The following ACTR3 variants were observed in gnomAD, a reference collection of about 807,000 sequenced individuals.
ACTR3 encodes actin related protein 3.
In ACTR3, 12 loss-of-function variants were observed where a neutral mutation model predicts 56.8. The ratio of observed to expected loss-of-function variants is 0.21; its 90% confidence interval spans 0.14 to 0.34. ACTR3 has a LOEUF of 0.34. Among genes scored for constraint, ACTR3 ranks in the 10% least tolerant of loss-of-function variants. ACTR3 has a pLI of 1.00. For missense variants in ACTR3, 282 were observed against 512.5 expected (o/e 0.55, Z 4.34); for synonymous variants, 162 against 167.4 (o/e 0.97, Z 0.25).
rs572600321 is a variant in ACTR3 at position 113,931,223 on chromosome 2, C to G, written c.337-78C>G. The G allele has an allele frequency of 1.9e-4, 149 of 789,226 alleles. No individual in the cohort carries two copies. The African/African-American group carries it at 2.4e-3, about 13-fold the overall frequency. The allele number at this position is 789,226 out of a possible 1,614,324, so 48.9% of individuals were successfully genotyped here. ...TAAATAAAATGTTTGAAATAAATTA[C>G]TTCTCATTTAAAAATTGTCAAGAAA... is the stretch of plus-strand genomic sequence containing the variant. On this transcript the variant is annotated intron_variant, in intron 4 of 11. Transcript: ENST00000263238.
intron 2 of ACTR3, among the ~76,000 whole-genome samples, chr2:113,914,944 A>T (rs535942392): frequency 1.3e-5 from 2 of 152,302 alleles, no homozygotes; most frequent in African/African-American, 4.8e-5. Flanking sequence ...AACATGAAGA[A>T]TAGGTTTGCT....
In ACTR3 at chr2:113,893,122, C is replaced by T. The variant is rs188053662; in HGVS notation, c.44+2799C>T. On this transcript the variant is annotated intron_variant, in intron 1 of 11. Coordinates refer to ENST00000263238, the MANE Select transcript of ACTR3 (RefSeq NM_005721.5). Reference sequence around the variant, plus strand: ...CATTGGTGGCTTGAAAACTAAATAACAGAACTCAAACCTGCTATTAGTGGT... The same window carrying T: ...CATTGGTGGCTTGAAAACTAAATAATAGAACTCAAACCTGCTATTAGTGGT... 6.5e-4 allele frequency among the ~76,000 whole-genome samples: 99 copies of T among 152,070 alleles called. No individual in the cohort carries two copies. In the East Asian group the frequency reaches 0.018, roughly 27 times the overall value.
At chr2:113,946,129 A>G (rs1427021452) in intron 8 of ACTR3, among the ~76,000 whole-genome samples, 1 of 152,176 alleles carries the variant, frequency 6.6e-6, no homozygotes, top group Non-Finnish European at 1.5e-5. Flanking sequence ...TTATGATAGA[A>G]CAATTTATAC....
chr2:113,953,054 A>T (rs1349193031), intron 10 of ACTR3: 1 of 152,186 alleles, frequency 6.6e-6, no homozygotes, highest in African/African-American at 2.4e-5. Context: ...TAAAAGATTG[A>T]AGTTGATTGT....
rs935032076 is a variant in ACTR3 at position 113,961,554 on chromosome 2, A to G, written c.*4099A>G. Reference sequence around the variant, plus strand: ...ATTAAAACTAAGATGCTGAATTAAAATAAAGTTTCTCTTTTATTCAAGCAC... The same window carrying G: ...ATTAAAACTAAGATGCTGAATTAAAGTAAAGTTTCTCTTTTATTCAAGCAC... On this transcript the variant is annotated 3_prime_UTR_variant, in exon 12 of 12. Transcript: ENST00000263238. 13 of 152,022 alleles carry G rather than the reference A, an allele frequency of 8.6e-5. No individual in the cohort carries two copies. Among genetic ancestry groups the G allele is most frequent in the Non-Finnish European group, 1.8e-4 (12 of 67,894 alleles). 9.4% of individuals were successfully genotyped at this position (152,022 alleles called of 1,614,324 possible). A position where few individuals can be genotyped will look rare whatever the true frequency, so the allele number is the denominator to read the frequency against.
At chr2:113,890,450 C>G (rs1389603274) in intron 1 of ACTR3, 127 bp downstream of exon 1, 1 of 1,267,230 alleles carries the variant, frequency 7.9e-7, no homozygotes, top group Non-Finnish European at 1.0e-6. Flanking sequence ...CTAGACCCGC[C>G]GGCCAGCGAG....
chr2:113,903,173 C>T lies in ACTR3; in HGVS notation c.45-9999C>T, dbSNP rs989257935. On this transcript the variant is annotated intron_variant, in intron 1 of 11. Coordinates refer to ENST00000263238, the MANE Select transcript of ACTR3 (RefSeq NM_005721.5). ...CCATTTCCCAATACCTGGCAACTGC[C>T]GTGCTACTTATTTATCAGGTTCTAT... Among the ~76,000 whole-genome samples the T allele has an allele frequency of 7.2e-5, 11 of 152,314 alleles. No homozygotes were observed. In the East Asian group the frequency reaches 1.5e-3, roughly 21 times the overall value.
At chr2:113,954,159 T>C (rs1680169156) in intron 10 of ACTR3, 1 of 152,234 alleles carries the variant, frequency 6.6e-6, no homozygotes, top group Non-Finnish European at 1.5e-5. Context: ...AGACACATGA[T>C]AGAATTTGTC....
intron 1 of ACTR3, among the ~76,000 whole-genome samples, chr2:113,903,189 C>T (rs1268894931): frequency 1.3e-5 from 2 of 152,204 alleles, no homozygotes; most frequent in Non-Finnish European, 2.9e-5. Context: ...ACTTATTTAT[C>T]AGGTTCTATT....
At chr2:113,953,686 G>A (rs796355642) in intron 10 of ACTR3, 1 of 150,790 alleles carries the variant, frequency 6.6e-6, no homozygotes, top group African/African-American at 2.4e-5. Context: ...ATAGGTGTGT[G>A]TACACACACA....
In ACTR3 at chr2:113,890,333, C is replaced by T. The variant is rs1678860532; in HGVS notation, c.44+10C>T. ...TGGACTGTGGCACGGGGTAAGGGGG[C>T]TTACGGGCGGGGGTGGGGAAACTGA... On this transcript the variant is annotated intron_variant, in intron 1 of 11. Coordinates refer to ENST00000263238, the MANE Select transcript of ACTR3 (RefSeq NM_005721.5). 8 of 557,270 alleles carry T rather than the reference C, an allele frequency of 1.4e-5. No individual in the cohort carries two copies. The highest frequency in any genetic ancestry group is 1.5e-4 in the East Asian group (2 of 12,940). The allele number at this position is 557,270 out of a possible 1,614,324, so 34.5% of individuals were successfully genotyped here.
intron 6 of ACTR3, among the ~76,000 whole-genome samples, chr2:113,937,784 T>C (rs886102799): frequency 2.6e-5 from 4 of 152,180 alleles, no homozygotes; most frequent in African/African-American, 7.2e-5. Flanking sequence ...TCCTGATTCA[T>C]TGGTTTTTAG....
At chr2:113,892,589 G>A (rs546898860) in intron 1 of ACTR3, among the ~76,000 whole-genome samples, 1 of 152,292 alleles carries the variant, frequency 6.6e-6, no homozygotes, top group South Asian at 2.1e-4. Context: ...TTGAGGTTGA[G>A]GACCCTGAGA....
intron 1 of ACTR3, among the ~76,000 whole-genome samples, chr2:113,903,694 G>T (rs568055511): frequency 6.6e-6 from 1 of 151,798 alleles, no homozygotes; most frequent in African/African-American, 2.4e-5. Context: ...GAGTCTCGCC[G>T]TGTGGGCCAT....
intron 10 of ACTR3, 83 bp downstream of exon 10, chr2:113,951,928 A>C: frequency 1.3e-6 from 2 of 1,551,234 alleles, no homozygotes; most frequent in Non-Finnish European, 1.8e-6. Flanking sequence ...ATTCACTCTG[A>C]TTTAGAAAAA....
intron 1 of ACTR3, among the ~76,000 whole-genome samples, chr2:113,896,024 A>G (rs1679001265): frequency 6.6e-6 from 1 of 152,080 alleles, no homozygotes; most frequent in Non-Finnish European, 1.5e-5. Flanking sequence ...ATGTGTGGCT[A>G]CTTTTAAAAA....
intron 8 of ACTR3, among the ~76,000 whole-genome samples, chr2:113,947,332 T>C (rs1243385460): frequency 6.6e-6 from 1 of 152,188 alleles, no homozygotes; most frequent in Non-Finnish European, 1.5e-5. Context: ...ACAAATGAGC[T>C]TAGCTGATGC....
In ACTR3 at chr2:113,931,385, A is replaced by G. The variant is rs746240721; in HGVS notation, c.421A>G (p.Ile141Val). 9 of 1,582,684 alleles carry G rather than the reference A, an allele frequency of 5.7e-6. No individual in the cohort carries two copies. The highest frequency in any genetic ancestry group is 1.7e-4 in the Middle Eastern group (1 of 5,912). ...FESFNVPGLY[I>V]AVQAVLALAA... ...GTCCTTCAATGTTCCAGGCTTGTAC[A>G]TTGCTGTGCAGGTAAGCAAGTTCAT... The change falls in exon 5 of 12, where the codon ATT becomes GTT. Residue 141 changes from isoleucine (I) to valine (V), a missense_variant. Ile to Val is a conservative substitution (Grantham distance 29). Coordinates refer to ENST00000263238, the MANE Select transcript of ACTR3 (RefSeq NM_005721.5).
At chr2:113,942,590 T>C (rs1174153972) in intron 8 of ACTR3, among the ~76,000 whole-genome samples, 1 of 152,050 alleles carries the variant, frequency 6.6e-6, no homozygotes, top group Non-Finnish European at 1.5e-5. Flanking sequence ...TTAAAAAATA[T>C]GTGTGGCTTA....
Sources: gnomAD v4.1 joint callset for allele counts (sites outside exome capture counted in the v4.1 genomes callset) on GRCh38, gnomAD v4.1.1 for gene constraint, MANE v1.5 for transcripts, NCBI Gene and HGNC (gene_info 2026-07-23, HGNC 2026-07-21) for gene names.